The following CRACDL variants were observed in gnomAD, a reference collection of about 807,000 sequenced individuals.
CRACDL encodes the protein CRACD like.
In CRACDL, 26 loss-of-function variants were observed where a neutral mutation model predicts 70.6. The observed-to-expected ratio is 0.37, with a 90% CI of 0.27 to 0.51. CRACDL has a LOEUF of 0.51. Among genes scored for constraint, CRACDL ranks in the 20% least tolerant of loss-of-function variants. CRACDL has a pLI of 0.94. For synonymous variants in CRACDL, 618 were observed against 615.2 expected, an observed-to-expected ratio of 1.00 and a Z score of -0.07; for missense variants, 1,283 against 1,376.9, an observed-to-expected ratio of 0.93 and a Z score of 1.08.
intron 7 of CRACDL, 28 bp downstream of exon 7, chr2:98,821,829 C>A (rs1472223797): frequency 1.2e-6 from 2 of 1,604,358 alleles, no homozygotes; most frequent in Non-Finnish European, 1.7e-6. Context: ...CAGGCCCTGC[C>A]CTTCCCGCAC....
chr2:98,833,979 C>T (rs943360746), intron 3 of CRACDL, among the ~76,000 whole-genome samples: 10 of 152,216 alleles, frequency 6.6e-5, no homozygotes, highest in Non-Finnish European at 8.8e-5. Flanking sequence ...TAAACTCTCA[C>T]GCCTGCAACA....
intron 3 of CRACDL, among the ~76,000 whole-genome samples, chr2:98,836,328 A>G (rs974099610): frequency 3.9e-5 from 6 of 152,142 alleles, no homozygotes; most frequent in African/African-American, 1.4e-4. Context: ...CCCACAGGCC[A>G]AGCAGTACTT....
chr2:98,822,837 A>G lies in CRACDL; in HGVS notation c.1436T>C (p.Ile479Thr), dbSNP rs765486199. The change falls in exon 7 of 10, where the codon ATT becomes ACT. Residue 479 changes from isoleucine to threonine, a missense_variant. By Grantham distance (89) the Ile-to-Thr change is moderately conservative. Transcript: ENST00000397899. This position sits in a 1 kb window ranked among gnomAD's most constrained non-coding sequence, Gnocchi z 4.9. ...ERGAGTEPER[I>T]GTEPSTAPAP... is the part of the protein sequence containing the mutation. ...GGGCGCCGTGGAGGGCTCGGTCCCA[A>G]TTCTCTCGGGCTCGGTCCCCGCTCC... The G allele has an allele frequency of 7.6e-5, 109 of 1,440,152 alleles. 1 individual carries two copies. In the South Asian group the frequency reaches 1.4e-3, roughly 18 times the overall value. The allele number at this position is 1,440,152 out of a possible 1,614,324, so 89.2% of individuals were successfully genotyped here. A position where few individuals can be genotyped will look rare whatever the true frequency, so the allele number is the denominator to read the frequency against.
At chr2:98,797,621 T>A in intron 7 of CRACDL, 84 bp from the exon 8 acceptor site, 2 of 1,334,030 alleles carry the variant, frequency 1.5e-6, no homozygotes, top group Non-Finnish European at 2.1e-6. Flanking sequence ...CAGAGAACAC[T>A]ACTGCTTTGG....
At chr2:98,847,643 T>C (rs1246270041) in intron 1 of CRACDL, among the ~76,000 whole-genome samples, 2 of 152,218 alleles carry the variant, frequency 1.3e-5, no homozygotes, top group African/African-American at 4.8e-5. Flanking sequence ...TCAATATTCC[T>C]GCTACAGAAT....
intron 7 of CRACDL, among the ~76,000 whole-genome samples, chr2:98,806,263 A>C (rs796114419): frequency 5.3e-5 from 8 of 152,354 alleles, no homozygotes; most frequent in African/African-American, 1.7e-4. Context: ...CTCACAGGTA[A>C]CATCTGTGAG....
chr2:98,839,165 TC>T lies in CRACDL; in HGVS notation c.71-879del, dbSNP rs555930313. ...ACTGAATTCCTTAAAAAACCCAGGA[TC>T]TTTCTGTTGTGTTTATATTATTGCC... On this transcript the variant is annotated intron_variant, in intron 2 of 9. Coordinates refer to ENST00000397899, the MANE Select transcript of CRACDL (RefSeq NM_207362.3). Among the ~76,000 whole-genome samples the T allele has an allele frequency of 2.6e-5, 4 of 152,320 alleles. No homozygotes were observed. The East Asian group carries it at 7.7e-4, about 29-fold the overall frequency.
intron 1 of CRACDL, among the ~76,000 whole-genome samples, chr2:98,924,014 G>C (rs1034957752): frequency 2.6e-5 from 4 of 152,214 alleles, no homozygotes; most frequent in Non-Finnish European, 5.9e-5. Flanking sequence ...TCCATCAGAA[G>C]AGCAAAGAAC....
intron 7 of CRACDL, among the ~76,000 whole-genome samples, chr2:98,814,262 C>T (rs1326250314): frequency 6.6e-6 from 1 of 151,898 alleles, no homozygotes. Context: ...TAAATTACTG[C>T]TTTGAAACAT....
intron 1 of CRACDL, among the ~76,000 whole-genome samples, chr2:98,929,747 A>T (rs1300180418): frequency 6.6e-6 from 1 of 152,154 alleles, no homozygotes; most frequent in East Asian, 1.9e-4. Flanking sequence ...ATTGTTTGGG[A>T]ACATTCAATT....
intron 1 of CRACDL, among the ~76,000 whole-genome samples, chr2:98,863,237 T>G (rs1427014640): frequency 6.6e-6 from 1 of 152,128 alleles, no homozygotes; most frequent in Non-Finnish European, 1.5e-5. Context: ...CAGAAGGTAG[T>G]AGGCTGATAT....
chr2:98,822,991 G>C lies in CRACDL; in HGVS notation c.1282C>G (p.Arg428Gly), dbSNP rs1366319027. ...PAATSEAPSA[R>G]DGPERSVPKE... Reference sequence around the variant, plus strand: ...GGGACACTGCGTTCTGGCCCGTCGCGAGCAGAGGGCGCCTCTGAGGTGGCG... The same window carrying C: ...GGGACACTGCGTTCTGGCCCGTCGCCAGCAGAGGGCGCCTCTGAGGTGGCG... The change falls in exon 7 of 10, where the codon CGC (arginine) becomes GGC (glycine). Residue 428 changes from arginine to glycine, a missense_variant. Transcript: ENST00000397899. The surrounding 1 kb of genome is among the most constrained non-coding windows in gnomAD (Gnocchi z 4.9). The C allele has an allele frequency of 6.7e-7, 1 of 1,493,090 alleles. No homozygotes were observed. Among genetic ancestry groups the C allele is most frequent in the Non-Finnish European group, 8.9e-7 (1 of 1,120,838 alleles). 92.5% of individuals were successfully genotyped at this position (1,493,090 alleles called of 1,614,324 possible). A position where few individuals can be genotyped will look rare whatever the true frequency, so the allele number is the denominator to read the frequency against.
intron 7 of CRACDL, among the ~76,000 whole-genome samples, chr2:98,818,539 T>C (rs1704887444): frequency 6.6e-6 from 1 of 152,168 alleles, no homozygotes; most frequent in African/African-American, 2.4e-5. Context: ...GCAGACTATC[T>C]GGGAGCTCTG....
At chr2:98,805,106 G>A (rs1405698303) in intron 7 of CRACDL, among the ~76,000 whole-genome samples, 5 of 152,166 alleles carry the variant, frequency 3.3e-5, no homozygotes, top group African/African-American at 1.2e-4. Flanking sequence ...AGCCACCATG[G>A]TCCACAATCA....
intron 1 of CRACDL, among the ~76,000 whole-genome samples, chr2:98,876,681 G>A (rs1046686123): frequency 6.6e-6 from 1 of 152,320 alleles, no homozygotes; most frequent in East Asian, 1.9e-4. Flanking sequence ...ATTGGGGACT[G>A]CTGCTCTAGA....
intron 1 of CRACDL, among the ~76,000 whole-genome samples, chr2:98,907,767 T>G (rs867357143): frequency 1.3e-5 from 2 of 152,172 alleles, no homozygotes; most frequent in Non-Finnish European, 2.9e-5. Flanking sequence ...CACAATTGCT[T>G]GGGAAAGAAG....
chr2:98,854,449 C>A (rs1706619367), intron 1 of CRACDL, among the ~76,000 whole-genome samples: 1 of 151,632 alleles, frequency 6.6e-6, no homozygotes, highest in Non-Finnish European at 1.5e-5. Context: ...CCTAAAAAAA[C>A]CATAAAAGAA....
chr2:98,808,958 G>T (rs1261947865), intron 7 of CRACDL, among the ~76,000 whole-genome samples: 1 of 152,162 alleles, frequency 6.6e-6, no homozygotes, highest in Non-Finnish European at 1.5e-5. Flanking sequence ...GCACCTGCAG[G>T]TTCTAGAGAC....
At chr2:98,917,939 A>G (rs953084326) in intron 1 of CRACDL, among the ~76,000 whole-genome samples, 1 of 152,214 alleles carries the variant, frequency 6.6e-6, no homozygotes, top group African/African-American at 2.4e-5. Context: ...ATGTTGCTGG[A>G]AAAGATATGC....
Sources: allele counts gnomAD v4.1 joint callset (sites outside exome capture counted in the v4.1 genomes callset), GRCh38; gene constraint gnomAD v4.1.1; non-coding constraint Gnocchi (gnomAD v3.1); transcripts MANE v1.5; gene names NCBI Gene and HGNC (gene_info 2026-07-23, HGNC 2026-07-21).